The following MTHFD2L variants were observed in gnomAD, a reference collection of about 807,000 sequenced individuals.
MTHFD2L encodes methylenetetrahydrofolate dehydrogenase (NADP+ dependent) 2 like, also known as bifunctional methylenetetrahydrofolate dehydrogenase/cyclohydrolase 2, mitochondrial.
A neutral mutation model predicts 34.9 loss-of-function variants in MTHFD2L; 29 were observed. The ratio of observed to expected loss-of-function variants is 0.83; its 90% confidence interval spans 0.62 to 1.13. The LOEUF (loss-of-function observed/expected upper bound fraction) is 1.13, where lower values mean the gene tolerates loss of function less well. MTHFD2L is among the 50% of genes most tolerant of loss of function. The pLI, the probability that MTHFD2L is intolerant of heterozygous loss-of-function variation, is 0.00. For missense variants in MTHFD2L, 481 were observed against 446.5 expected, an observed-to-expected ratio of 1.08 and a Z score of -0.70; for synonymous variants, 167 against 155.7, an observed-to-expected ratio of 1.07 and a Z score of -0.54.
chr4:74,153,425 C>T (rs1460991577), upstream of MTHFD2L, among the ~76,000 whole-genome samples: 2 of 152,150 alleles, frequency 1.3e-5, no homozygotes, highest in African/African-American at 4.8e-5. Flanking sequence ...AAGCAACTTC[C>T]AAAATTTTCA....
upstream of MTHFD2L, among the ~76,000 whole-genome samples, chr4:74,123,927 C>A (rs1196048335): frequency 1.3e-5 from 2 of 152,184 alleles, no homozygotes; most frequent in Non-Finnish European, 2.9e-5. Flanking sequence ...TATCTCTATA[C>A]CTCTCAGAAA....
chr4:74,140,407 G>T, intron 1 of MTHFD2L: 2 of 300,542 alleles, frequency 6.7e-6, no homozygotes, highest in Non-Finnish European at 9.8e-6. Flanking sequence ...TATTATTATT[G>T]GTAATTTTAT....
At chr4:74,287,462 G>T (rs1748323666) in intron 7 of MTHFD2L, among the ~76,000 whole-genome samples, 1 of 152,000 alleles carries the variant, frequency 6.6e-6, no homozygotes, top group Non-Finnish European at 1.5e-5. Context: ...AGATAATTTG[G>T]CTAGCCAGGC....
chr4:74,167,142 G>A (rs768453705), intron 1 of MTHFD2L, among the ~76,000 whole-genome samples: 6 of 152,176 alleles, frequency 3.9e-5, no homozygotes, highest in East Asian at 1.9e-4. Flanking sequence ...CCCATGCACC[G>A]GATTAGCCCC....
At chr4:74,159,258 G>C (rs1006573486) in intron 1 of MTHFD2L, among the ~76,000 whole-genome samples, 1 of 152,150 alleles carries the variant, frequency 6.6e-6, no homozygotes, top group African/African-American at 2.4e-5. Flanking sequence ...CTTGTGACTA[G>C]GTCTTCCACA....
upstream of MTHFD2L, among the ~76,000 whole-genome samples, chr4:74,121,183 TG>T (rs1241116885): frequency 1.3e-5 from 2 of 152,164 alleles, no homozygotes; most frequent in Non-Finnish European, 2.9e-5. Flanking sequence ...ACCCTAGAAC[TG>T]GGAAGGAATG....
intron 7 of MTHFD2L, among the ~76,000 whole-genome samples, chr4:74,290,215 T>A (rs745955472): frequency 1.3e-5 from 2 of 152,136 alleles, no homozygotes; most frequent in Admixed American, 6.5e-5. Context: ...TAGTCAAGCA[T>A]AAGGTCAGGA....
At chr4:74,188,878 CTATTA>C (rs557114544) in intron 3 of MTHFD2L, among the ~76,000 whole-genome samples, 8 of 150,680 alleles carry the variant, frequency 5.3e-5, no homozygotes, top group Non-Finnish European at 8.9e-5. Flanking sequence ...TGTATGCCGT[CTATTA>C]TATTCAAATA....
upstream of MTHFD2L, chr4:74,157,568 AAAGTAG>A (rs1324737311): frequency 7.1e-6 from 3 of 419,834 alleles, no homozygotes; most frequent in African/African-American, 6.2e-5. Flanking sequence ...TGGAGATGAT[AAAGTAG>A]AAGTATAGAA....
chr4:74,154,499 C>A (rs1724130215), upstream of MTHFD2L, among the ~76,000 whole-genome samples: 1 of 151,904 alleles, frequency 6.6e-6, no homozygotes, highest in Non-Finnish European at 1.5e-5. Context: ...TGATTATGGG[C>A]TCATGGATAT....
At chr4:74,193,387 A>G (rs1035297805) in intron 3 of MTHFD2L, among the ~76,000 whole-genome samples, 1 of 152,198 alleles carries the variant, frequency 6.6e-6, no homozygotes, top group Non-Finnish European at 1.5e-5. Context: ...GTCAGGTATT[A>G]TAAATCTTCT....
chr4:74,191,582 G>A (rs560640856), intron 3 of MTHFD2L, among the ~76,000 whole-genome samples: 23 of 151,650 alleles, frequency 1.5e-4, no homozygotes, highest in Admixed American at 4.6e-4. Context: ...ATGGAGTCTT[G>A]CACTGTTGCC....
chr4:74,164,436 G>A (rs1312064964), intron 1 of MTHFD2L, among the ~76,000 whole-genome samples: 1 of 152,090 alleles, frequency 6.6e-6, no homozygotes, highest in African/African-American at 2.4e-5. Context: ...TAGATAAGGT[G>A]GTTAGTTTAT....
Position 74,205,958 on chromosome 4 carries a change from G to A in MTHFD2L, c.712+4588G>A, listed in dbSNP as rs541952704. Among the ~76,000 whole-genome samples, 4 of 152,162 alleles carry A rather than the reference G, an allele frequency of 2.6e-5. No homozygotes were observed. The East Asian group carries it at 7.7e-4, about 29-fold the overall frequency. On this transcript the variant is annotated intron_variant, in intron 5 of 7. Coordinates refer to ENST00000325278, the MANE Select transcript of MTHFD2L (RefSeq NM_001144978.3). ...TGCTTCTCAAAACTCATGGCTAATTGAGGTGACATGAAGAGAATGAGCTCC... is the reference window on the plus strand; with the variant it reads ...TGCTTCTCAAAACTCATGGCTAATTAAGGTGACATGAAGAGAATGAGCTCC...
intron 5 of MTHFD2L, among the ~76,000 whole-genome samples, chr4:74,207,783 G>C (rs865955252): frequency 4.4e-5 from 3 of 67,668 alleles, no homozygotes; most frequent in Non-Finnish European, 5.5e-5. Flanking sequence ...TTTTTTTTTT[G>C]CCAGCCTGGA....
rs117669311 is a variant in MTHFD2L at position 74,262,514 on chromosome 4, G to A, written c.806-18911G>A. On this transcript the variant is annotated intron_variant, in intron 6 of 7. Coordinates refer to ENST00000325278, the MANE Select transcript of MTHFD2L (RefSeq NM_001144978.3). ...ATACATAACAAAGAATTAGTATGCA[G>A]CATATATAAATATGTTTTTAAAAAT... 1.8e-4 allele frequency among the ~76,000 whole-genome samples: 27 copies of A among 151,950 alleles called. No individual in the cohort carries two copies. In the East Asian group the frequency reaches 4.6e-3, roughly 26 times the overall value.
At chr4:74,267,949 G>C (rs1745518101) in intron 6 of MTHFD2L, 1 of 985,084 alleles carries the variant, frequency 1.0e-6, no homozygotes, top group Non-Finnish European at 1.2e-6. Context: ...GCACCATCCT[G>C]GTACCACAAG....
intron 1 of MTHFD2L, chr4:74,164,948 C>T (rs1054531002): frequency 2.0e-6 from 2 of 984,814 alleles, no homozygotes; most frequent in South Asian, 4.7e-5. Flanking sequence ...TGGGAAACCA[C>T]CTGAGCAAGT....
chr4:74,157,985 C>T, upstream of MTHFD2L: 1 of 1,197,112 alleles, frequency 8.4e-7, no homozygotes, highest in Admixed American at 2.0e-5. Flanking sequence ...CTGGGAACCG[C>T]TCTTTACCCC....
Sources: gnomAD v4.1 joint callset for allele counts (sites outside exome capture counted in the v4.1 genomes callset) on GRCh38, gnomAD v4.1.1 for gene constraint, MANE v1.5 for transcripts, NCBI Gene and HGNC (gene_info 2026-07-23, HGNC 2026-07-21) for gene names.